Variants in LHFPL2 observed in about 807,000 individuals in gnomAD.
LHFPL2 encodes the protein LHFPL tetraspan subfamily member 2 protein.
A neutral mutation model predicts 17.5 loss-of-function variants in LHFPL2; 7 were observed. The observed-to-expected ratio is 0.40, with a 90% confidence interval of 0.23 to 0.75. The LOEUF is 0.75. LHFPL2 is among the 30% of genes least tolerant of loss of function. The pLI, the probability that LHFPL2 is intolerant of heterozygous loss-of-function variation, is 0.37. For missense variants in LHFPL2, 241 were observed against 294.8 expected (o/e 0.82, Z 1.34); for synonymous variants, 134 against 116.2 (o/e 1.15, Z -0.99).
intron 3 of LHFPL2, among the ~76,000 whole-genome samples, chr5:78,552,422 C>T (rs1416882334): frequency 3.9e-5 from 6 of 152,218 alleles, no homozygotes; most frequent in Non-Finnish European, 7.3e-5. Flanking sequence ...CGTGAGCCAC[C>T]GCGCCTGGCC....
intron 4 of LHFPL2, among the ~76,000 whole-genome samples, chr5:78,505,254 T>G (rs1276094463): frequency 6.6e-6 from 1 of 152,228 alleles, no homozygotes; most frequent in Non-Finnish European, 1.5e-5. Flanking sequence ...TGCTGGCTGA[T>G]CACCCGGCTT....
rs1253848784 is a variant in LHFPL2 at position 78,583,774 on chromosome 5, T to A, written c.-244-18903A>T. 7.5e-3 allele frequency among the ~76,000 whole-genome samples: 1,130 copies of A among 150,068 alleles called. 11 individuals carry two copies. The highest frequency in any genetic ancestry group is 0.024 in the African/African-American group (999 of 40,906). On this transcript the variant is annotated intron_variant, in intron 2 of 4. Transcript: ENST00000380345. ...CAATTATGTGTCTTGGAGTTGCTCT[T>A]CTCGAGGAGTATCTTTGTGGCGTTC...
chr5:78,506,635 G>A (rs1208948198), intron 4 of LHFPL2, among the ~76,000 whole-genome samples: 2 of 152,184 alleles, frequency 1.3e-5, no homozygotes, highest in African/African-American at 4.8e-5. Context: ...CCTTTACATT[G>A]GCTTGATGTG....
intron 2 of LHFPL2, among the ~76,000 whole-genome samples, chr5:78,612,309 A>T (rs1744447976): frequency 6.6e-6 from 1 of 152,274 alleles, no homozygotes; most frequent in Admixed American, 6.5e-5. Flanking sequence ...AAAATTAAAA[A>T]TAGGAAAATA....
intron 2 of LHFPL2, among the ~76,000 whole-genome samples, chr5:78,587,382 C>T (rs1743453562): frequency 6.6e-6 from 1 of 152,166 alleles, no homozygotes; most frequent in African/African-American, 2.4e-5. Flanking sequence ...AAAGGGTCTG[C>T]AGGCCACGAA....
At chr5:78,589,253 G>A (rs552369420) in intron 2 of LHFPL2, among the ~76,000 whole-genome samples, 52 of 152,200 alleles carry the variant, frequency 3.4e-4, no homozygotes, top group African/African-American at 1.1e-3. Flanking sequence ...GGTGGATCAC[G>A]AGGTCAGGAG....
rs925420598 is a variant in LHFPL2 at position 78,487,443 on chromosome 5, C to G, written c.*1454G>C. 2.0e-5 allele frequency: 3 copies of G among 152,198 alleles called. No individual in the cohort carries two copies. The highest frequency in any genetic ancestry group is 4.4e-5 in the Non-Finnish European group (3 of 68,044). The allele number at this position is 152,198 out of a possible 1,614,324, so 9.4% of individuals were successfully genotyped here. A position where few individuals can be genotyped will look rare whatever the true frequency, so the allele number is the denominator to read the frequency against. ...GTCCTCAAGTGAGCAGATTAATGAA[C>G]CCAAATACCTACACTTTTTCTCCTT... On this transcript the variant is annotated 3_prime_UTR_variant, in exon 5 of 5. Coordinates refer to ENST00000380345, the MANE Select transcript of LHFPL2 (RefSeq NM_005779.3).
At chr5:78,493,743 G>A (rs1754521230) in intron 4 of LHFPL2, among the ~76,000 whole-genome samples, 1 of 152,224 alleles carries the variant, frequency 6.6e-6, no homozygotes. Context: ...CTAGGCCGGT[G>A]AGCCCTGGGT....
intron 3 of LHFPL2, among the ~76,000 whole-genome samples, chr5:78,514,463 C>A (rs1371041793): frequency 6.6e-6 from 1 of 152,094 alleles, no homozygotes; most frequent in Non-Finnish European, 1.5e-5. Context: ...GGAGTCAGTC[C>A]TATGTACAGA....
chr5:78,563,097 C>T (rs1756772562), intron 3 of LHFPL2, among the ~76,000 whole-genome samples: 2 of 152,198 alleles, frequency 1.3e-5, no homozygotes, highest in South Asian at 2.1e-4. Context: ...TGCCCCTCCC[C>T]GGCACAGGCC....
chr5:78,644,359 C>G, intron 1 of LHFPL2: 1 of 1,167,306 alleles, frequency 8.6e-7, no homozygotes. Flanking sequence ...TCAGGCTTTC[C>G]TTTAGCTCAC....
intron 4 of LHFPL2, among the ~76,000 whole-genome samples, chr5:78,492,763 A>G (rs1013362266): frequency 2.6e-5 from 4 of 152,262 alleles, no homozygotes; most frequent in African/African-American, 4.8e-5. Context: ...AGCCCACAGG[A>G]AAGTCCATGT....
intron 2 of LHFPL2, among the ~76,000 whole-genome samples, chr5:78,622,777 G>T (rs999170411): frequency 1.3e-5 from 2 of 152,186 alleles, no homozygotes; most frequent in Non-Finnish European, 2.9e-5. Context: ...TACAGAAAAG[G>T]CATGCTCTTT....
chr5:78,563,765 A>G (rs952483430), intron 3 of LHFPL2, among the ~76,000 whole-genome samples: 3 of 152,028 alleles, frequency 2.0e-5, no homozygotes, highest in Admixed American at 6.6e-5. Context: ...TCAGGACACC[A>G]TCTGTCTCAG....
Position 78,580,119 on chromosome 5 carries a change from ATG to A in LHFPL2, c.-244-15250_-244-15249del, listed in dbSNP as rs1743056386. On this transcript the variant is annotated intron_variant, in intron 2 of 4. Coordinates refer to ENST00000380345, the MANE Select transcript of LHFPL2 (RefSeq NM_005779.3). ...GGCCAGTGATGGTGAGCATTTTTTC[ATG>A]TGTTTTTTGGCTGCATAAATGTCTT... is the stretch of plus-strand genomic sequence containing the variant. Among the ~76,000 whole-genome samples the A allele has an allele frequency of 5.3e-5, 8 of 152,064 alleles. No individual in the cohort carries two copies. In the South Asian group the frequency reaches 1.7e-3, roughly 32 times the overall value.
At chr5:78,573,327 G>A (rs187149279) in intron 2 of LHFPL2, among the ~76,000 whole-genome samples, 14 of 152,302 alleles carry the variant, frequency 9.2e-5, no homozygotes, top group Non-Finnish European at 1.9e-4. Flanking sequence ...CTGAAAGGAT[G>A]ACTTAAATGT....
At chr5:78,598,465 A>C (rs1743899738) in intron 2 of LHFPL2, among the ~76,000 whole-genome samples, 1 of 152,230 alleles carries the variant, frequency 6.6e-6, no homozygotes, top group South Asian at 2.1e-4. Flanking sequence ...TCTTATAAAA[A>C]GAAAAGCATA....
intron 1 of LHFPL2, among the ~76,000 whole-genome samples, chr5:78,640,658 T>C (rs964392987): frequency 1.3e-5 from 2 of 151,704 alleles, no homozygotes; most frequent in African/African-American, 2.4e-5. Context: ...AACAGAAAAA[T>C]AAAGAAAAAA....
chr5:78,510,324 C>G lies in LHFPL2; in HGVS notation c.-111G>C. 1 of 1,070,306 alleles carries G rather than the reference C, an allele frequency of 9.3e-7. No individual in the cohort carries two copies. The highest frequency in any genetic ancestry group is 1.3e-6 in the Non-Finnish European group (1 of 754,858). 66.3% of individuals were successfully genotyped at this position (1,070,306 alleles called of 1,614,324 possible). ...CCGGGAAGGAAGTCGCAGCTGCAGT[C>G]ATTCACTCCCGCCGCCGGCCGCGTT... On this transcript the variant is annotated 5_prime_UTR_variant, in exon 4 of 5. It removes an upstream start codon present in the reference 5' UTR. Transcript: ENST00000380345.
Sources: gnomAD v4.1 joint callset for allele counts (sites outside exome capture counted in the v4.1 genomes callset) on GRCh38, gnomAD v4.1.1 for gene constraint, MANE v1.5 for transcripts, NCBI Gene and HGNC (gene_info 2026-07-23, HGNC 2026-07-21) for gene names.